The following PCDHA12 variants were observed in gnomAD, a reference collection of about 807,000 sequenced individuals.
The protein encoded by PCDHA12 is protocadherin alpha-12.
Under a neutral mutation model 60.0 loss-of-function variants are expected in PCDHA12, and 44 were observed. That is an observed-to-expected ratio of 0.73 (90% CI 0.58 to 0.94). The LOEUF is 0.94. Ranked by LOEUF, PCDHA12 falls within the 40% of genes least tolerant of loss-of-function variation. The pLI is 0.00. For synonymous variants in PCDHA12, 569 were observed against 553.0 expected (o/e 1.03, Z -0.40); for missense variants, 1,276 against 1,239.7 (o/e 1.03, Z -0.44).
At chr5:140,985,491 G>C (rs1288786153) in intron 3 of PCDHA12, among the ~76,000 whole-genome samples, 3 of 152,166 alleles carry the variant, frequency 2.0e-5, no homozygotes, top group African/African-American at 7.2e-5. Flanking sequence ...GACTCAAATA[G>C]AGCCTGCCTT....
At chr5:140,901,930 C>G (rs902948893) in intron 1 of PCDHA12, among the ~76,000 whole-genome samples, 2 of 151,400 alleles carry the variant, frequency 1.3e-5, no homozygotes, top group Admixed American at 1.3e-4. Flanking sequence ...TTGGTTAATT[C>G]CTAGGTATAT....
chr5:141,006,274 C>T (rs565885323), intron 3 of PCDHA12, among the ~76,000 whole-genome samples: 13 of 152,026 alleles, frequency 8.6e-5, no homozygotes, highest in African/African-American at 2.9e-4. Context: ...TGCAGTGGCA[C>T]GATCTCAGCT....
At chr5:140,904,176 C>T (rs782427504) in intron 1 of PCDHA12, among the ~76,000 whole-genome samples, 31 of 152,098 alleles carry the variant, frequency 2.0e-4, no homozygotes, top group African/African-American at 6.7e-4. Context: ...TTTTATTCCT[C>T]ACCCCCTTCC....
At chr5:140,992,020 TGTGTG>T (rs1460938904) in intron 3 of PCDHA12, among the ~76,000 whole-genome samples, 1 of 51,270 alleles carries the variant, frequency 2.0e-5, no homozygotes, top group African/African-American at 5.9e-5. Flanking sequence ...GGTGGCTCTG[TGTGTG>T]TGTGTGTGTG....
At chr5:140,968,464 C>G (rs1554230763) in intron 1 of PCDHA12, 1 of 1,614,114 alleles carries the variant, frequency 6.2e-7, no homozygotes, top group Non-Finnish European at 8.5e-7. Flanking sequence ...TGACTGCCAA[C>G]GTATATGTGG....
intron 2 of PCDHA12, among the ~76,000 whole-genome samples, chr5:140,980,712 T>G (rs4404731): frequency 0.013 from 1,940 of 152,272 alleles, 50 homozygotes; most frequent in African/African-American, 0.045. Context: ...GTGCTCCTAT[T>G]CGGGTTTCAA....
At chr5:140,985,391 C>T (rs2097149590) in intron 3 of PCDHA12, among the ~76,000 whole-genome samples, 1 of 152,136 alleles carries the variant, frequency 6.6e-6, no homozygotes, top group Non-Finnish European at 1.5e-5. Context: ...TCCAGTCACC[C>T]CAACTGTTCC....
chr5:140,978,444 T>G (rs2096802589), intron 1 of PCDHA12, among the ~76,000 whole-genome samples: 1 of 152,248 alleles, frequency 6.6e-6, no homozygotes, highest in Non-Finnish European at 1.5e-5. Context: ...GTGTTATGAC[T>G]GGGCACATCC....
At chr5:140,886,330 T>C (rs1403720039) in intron 1 of PCDHA12, among the ~76,000 whole-genome samples, 1 of 152,192 alleles carries the variant, frequency 6.6e-6, no homozygotes, top group Admixed American at 6.5e-5. Context: ...CTGGGATACA[T>C]GTGCAGAACG....
rs2098414886 is a variant in PCDHA12, at chr5:141,009,848, A to T, written c.2737A>T (p.Thr913Ser). 7 of 1,614,012 alleles carry T rather than the reference A, an allele frequency of 4.3e-6. No homozygotes were observed. Among genetic ancestry groups the T allele is most frequent in the Non-Finnish European group, 5.1e-6 (6 of 1,180,014 alleles). ...DFITFGKKEE[T>S]KKKKKKKKGN... ...CATAACCTTCGGCAAAAAGGAGGAGACCAAGAAAAAGAAGAAAAAGAAGAA... is the reference window on the plus strand; with the variant it reads ...CATAACCTTCGGCAAAAAGGAGGAGTCCAAGAAAAAGAAGAAAAAGAAGAA... The change falls in exon 4 of 4, where the codon ACC becomes TCC. Residue 913 changes from threonine (T) to serine (S), a missense_variant. Thr to Ser is a moderately conservative substitution (Grantham distance 58). Transcript: ENST00000398631.
chr5:140,940,158 C>T (rs1159450232), intron 1 of PCDHA12, among the ~76,000 whole-genome samples: 3 of 151,970 alleles, frequency 2.0e-5, no homozygotes, highest in African/African-American at 7.3e-5. Context: ...TTTTTGTTTG[C>T]CTGAAATGTC....
intron 1 of PCDHA12, among the ~76,000 whole-genome samples, chr5:140,886,239 TAAATA>T (rs2060905359): frequency 6.6e-6 from 1 of 152,062 alleles, no homozygotes; most frequent in African/African-American, 2.4e-5. Context: ...ACTTCAGAAA[TAAATA>T]AAAGTATCTC....
intron 1 of PCDHA12, among the ~76,000 whole-genome samples, chr5:140,931,201 A>G (rs1444701917): frequency 2.6e-5 from 4 of 152,176 alleles, no homozygotes; most frequent in Admixed American, 2.6e-4. Context: ...CTACAATGCT[A>G]GTATTTCAGG....
chr5:140,942,924 T>A (rs2093394309), intron 1 of PCDHA12, among the ~76,000 whole-genome samples: 1 of 151,518 alleles, frequency 6.6e-6, no homozygotes, highest in African/African-American at 2.4e-5. Context: ...AAAAAAAAAA[T>A]TGAAAAAGAG....
At chr5:140,910,067 G>C (rs868941459) in intron 1 of PCDHA12, among the ~76,000 whole-genome samples, 1 of 152,194 alleles carries the variant, frequency 6.6e-6, no homozygotes, top group Non-Finnish European at 1.5e-5. Flanking sequence ...TTTTAACAGC[G>C]TAAATTGTTG....
chr5:140,922,595 A>G (rs1554200883), intron 1 of PCDHA12, among the ~76,000 whole-genome samples: 1 of 152,216 alleles, frequency 6.6e-6, no homozygotes, highest in Non-Finnish European at 1.5e-5. Context: ...AGTTCTCATC[A>G]GTTGAAGATA....
chr5:140,939,886 T>C (rs1165679302), intron 1 of PCDHA12, among the ~76,000 whole-genome samples: 1 of 152,242 alleles, frequency 6.6e-6, no homozygotes, highest in Non-Finnish European at 1.5e-5. Flanking sequence ...AGTTGTGTTG[T>C]TCAAATATTC....
At chr5:140,912,679 T>C (rs367681467) in intron 1 of PCDHA12, among the ~76,000 whole-genome samples, 6 of 152,216 alleles carry the variant, frequency 3.9e-5, no homozygotes, top group African/African-American at 1.4e-4. Context: ...CCTTGACTTA[T>C]TCCAGGTCTC....
intron 1 of PCDHA12, among the ~76,000 whole-genome samples, chr5:140,942,747 A>C (rs1291200302): frequency 6.6e-6 from 1 of 152,232 alleles, no homozygotes; most frequent in African/African-American, 2.4e-5. Flanking sequence ...AAAATCTTGT[A>C]TAAATGAGAT....
Sources: gnomAD v4.1 joint callset for allele counts (sites outside exome capture counted in the v4.1 genomes callset) on GRCh38, gnomAD v4.1.1 for gene constraint, MANE v1.5 for transcripts, NCBI Gene and HGNC (gene_info 2026-07-23, HGNC 2026-07-21) for gene names.